MBD5: variants seen among roughly 807,000 people sequenced by gnomAD.
MBD5 encodes methyl-CpG binding domain protein 5.
A neutral mutation model predicts 117.3 loss-of-function variants in MBD5; 13 were observed. The ratio of observed to expected loss-of-function variants is 0.11; its 90% CI spans 0.07 to 0.18. The LOEUF is 0.18. MBD5 is among the 10% of genes least tolerant of loss of function. MBD5 has a pLI of 1.00. For missense variants in MBD5, 1,879 were observed against 2,093.8 expected (o/e 0.90, Z 2.00); for synonymous variants, 727 against 766.4 (o/e 0.95, Z 0.85).
chr2:148,509,075 T>C lies in MBD5; in HGVS notation c.5037-985T>C, dbSNP rs73003532. 7.8e-3 allele frequency among the ~76,000 whole-genome samples: 1,184 copies of C among 152,288 alleles called. 24 individuals carry two copies. Among genetic ancestry groups the C allele is most frequent in the African/African-American group, 0.027 (1,136 of 41,548 alleles). Reference sequence around the variant, plus strand: ...CACGACTGCAAATTTCCAGTCTCCATGGTAGATGCTAAGATAGGACTTAAC... The same window carrying C: ...CACGACTGCAAATTTCCAGTCTCCACGGTAGATGCTAAGATAGGACTTAAC... On this transcript the variant is annotated intron_variant, in intron 12 of 13. Transcript: ENST00000642680.
At chr2:148,159,965 C>G (rs1249898413) in intron 1 of MBD5, among the ~76,000 whole-genome samples, 1 of 152,106 alleles carries the variant, frequency 6.6e-6, no homozygotes, top group Non-Finnish European at 1.5e-5. Context: ...AATTGGCACT[C>G]AAGAAGAAAT....
At chr2:148,101,610 A>C (rs910888144) in intron 1 of MBD5, among the ~76,000 whole-genome samples, 15 of 152,160 alleles carry the variant, frequency 9.9e-5, no homozygotes, top group Admixed American at 1.3e-4. Context: ...AACTATAGGG[A>C]TTTCAAGTAG....
chr2:148,135,184 T>C (rs1697142692), intron 1 of MBD5, among the ~76,000 whole-genome samples: 1 of 152,242 alleles, frequency 6.6e-6, no homozygotes, highest in Non-Finnish European at 1.5e-5. Context: ...ATCTTTAGAA[T>C]ATAGGAAGTT....
intron 3 of MBD5, among the ~76,000 whole-genome samples, chr2:148,288,775 A>G (rs1701430506): frequency 6.6e-6 from 1 of 152,176 alleles, no homozygotes; most frequent in Admixed American, 6.5e-5. Context: ...AAAAACAGTA[A>G]TCTAAAAATG....
rs1457050292 is a variant in MBD5, at chr2:148,460,393, T to C, written c.113+1522T>C. 3 of 152,212 alleles carry C rather than the reference T, an allele frequency of 2.0e-5. No homozygotes were observed. In the East Asian group the frequency reaches 5.8e-4, roughly 29 times the overall value. 9.4% of individuals were successfully genotyped at this position (152,212 alleles called of 1,614,324 possible). A position where few individuals can be genotyped will look rare whatever the true frequency, so the allele number is the denominator to read the frequency against. ...TGGGTTCTCCAACTTCAAATCTGTATACTGATAATTATTTTGGAAACAAGC... is the reference window on the plus strand; with the variant it reads ...TGGGTTCTCCAACTTCAAATCTGTACACTGATAATTATTTTGGAAACAAGC... On this transcript the variant is annotated intron_variant, in intron 5 of 13. Coordinates refer to ENST00000642680, the MANE Select transcript of MBD5 (RefSeq NM_001378120.1).
intron 2 of MBD5, among the ~76,000 whole-genome samples, chr2:148,201,919 A>G (rs1699153732): frequency 1.3e-5 from 2 of 152,198 alleles, no homozygotes; most frequent in Admixed American, 6.5e-5. Context: ...AGGTACATGT[A>G]AAATAAGTGA....
At chr2:148,178,870 A>T in intron 2 of MBD5, 77 bp downstream of exon 2, 1 of 395,032 alleles carries the variant, frequency 2.5e-6, no homozygotes, top group Non-Finnish European at 4.5e-6. Flanking sequence ...GACTTGTTAA[A>T]CTTGTTTACT....
chr2:148,179,093 G>A (rs1019983599), intron 2 of MBD5, among the ~76,000 whole-genome samples: 35 of 152,158 alleles, frequency 2.3e-4, no homozygotes, highest in Non-Finnish European at 4.3e-4. Flanking sequence ...GGTGGCTCAC[G>A]CCTGTAATCC....
chr2:148,239,385 A>G (rs1011997592), intron 3 of MBD5, among the ~76,000 whole-genome samples: 5 of 152,180 alleles, frequency 3.3e-5, no homozygotes, highest in African/African-American at 1.2e-4. Context: ...TACAGATTCA[A>G]GATCACAGGA....
intron 1 of MBD5, among the ~76,000 whole-genome samples, chr2:148,061,084 A>C (rs1161628854): frequency 6.6e-6 from 1 of 152,128 alleles, no homozygotes; most frequent in Non-Finnish European, 1.5e-5. Context: ...AAGGTATTTA[A>C]AAATCAAATA....
chr2:148,390,553 G>A (rs879472015), intron 4 of MBD5, among the ~76,000 whole-genome samples: 73 of 77,160 alleles, frequency 9.5e-4, no homozygotes, highest in African/African-American at 4.3e-3. Context: ...ATATATATAC[G>A]TGTATGTGTG....
At chr2:148,073,238 C>T (rs562892945) in intron 1 of MBD5, among the ~76,000 whole-genome samples, 1 of 152,234 alleles carries the variant, frequency 6.6e-6, no homozygotes, top group Admixed American at 6.5e-5. Context: ...AGAAAATGCT[C>T]ACCATTGTCT....
At chr2:148,360,201 A>C (rs1469406903) in intron 4 of MBD5, among the ~76,000 whole-genome samples, 1 of 152,164 alleles carries the variant, frequency 6.6e-6, no homozygotes, top group Non-Finnish European at 1.5e-5. Context: ...AAAGGATTAT[A>C]ATTTCAAATA....
At chr2:148,314,255 A>G (rs1302236656) in intron 3 of MBD5, among the ~76,000 whole-genome samples, 1 of 151,738 alleles carries the variant, frequency 6.6e-6, no homozygotes, top group Non-Finnish European at 1.5e-5. Flanking sequence ...ATAGTTTTTC[A>G]TGTGGCAAAA....
At chr2:148,434,532 G>T (rs1397012542) in intron 4 of MBD5, among the ~76,000 whole-genome samples, 1 of 151,872 alleles carries the variant, frequency 6.6e-6, no homozygotes, top group African/African-American at 2.4e-5. Flanking sequence ...TCTTTCAGGA[G>T]CAGGTTGTTT....
chr2:148,157,004 A>G (rs1194457478), intron 1 of MBD5, among the ~76,000 whole-genome samples: 1 of 152,210 alleles, frequency 6.6e-6, no homozygotes, highest in Admixed American at 6.5e-5. Context: ...GTACATTATT[A>G]TAGTTTATAC....
chr2:148,271,282 G>A (rs759536643), intron 3 of MBD5, among the ~76,000 whole-genome samples: 5 of 152,052 alleles, frequency 3.3e-5, no homozygotes, highest in South Asian at 2.1e-4. Context: ...TTTGTAGTAC[G>A]GAATATAATC....
At chr2:148,375,368 G>A (rs1234840705) in intron 4 of MBD5, among the ~76,000 whole-genome samples, 2 of 152,186 alleles carry the variant, frequency 1.3e-5, no homozygotes, top group Non-Finnish European at 2.9e-5. Context: ...CTTTGGAGTT[G>A]TCTAATCAGT....
intron 4 of MBD5, among the ~76,000 whole-genome samples, chr2:148,455,000 T>C (rs1375537630): frequency 1.3e-5 from 2 of 152,180 alleles, no homozygotes; most frequent in African/African-American, 2.4e-5. Context: ...GGAATAGCTT[T>C]CCATTTGTTT....
Sources: gnomAD v4.1 joint callset for allele counts (sites outside exome capture counted in the v4.1 genomes callset) on GRCh38, gnomAD v4.1.1 for gene constraint, MANE v1.5 for transcripts, NCBI Gene and HGNC (gene_info 2026-07-23, HGNC 2026-07-21) for gene names.